The following WT1 variants were observed in gnomAD, a reference collection of about 807,000 sequenced individuals.
WT1 encodes WT1 transcription factor, also known as Wilms tumor protein.
A neutral mutation model predicts 60.8 loss-of-function variants in WT1; 8 were observed. That is an observed-to-expected ratio of 0.13 (90% CI 0.08 to 0.24). The LOEUF is 0.24. Among genes scored for constraint, WT1 ranks in the 10% least tolerant of loss-of-function variants. The pLI, the probability that WT1 is intolerant of heterozygous loss-of-function variation, is 1.00. For synonymous variants in WT1, 312 were observed against 297.1 expected (o/e 1.05, Z -0.52); for missense variants, 568 against 711.8 (o/e 0.80, Z 2.30).
Position 32,427,374 on chromosome 11 carries a change from G to C in WT1, c.887+582C>G, listed in dbSNP as rs5030175. On this transcript the variant is annotated intron_variant, in intron 3 of 9. Transcript: ENST00000452863. The stretch of plus-strand genomic sequence containing the variant: ...CGCTCACAGGAAGAAGGTCCCACGC[G>C]GGCCAGAGCAGCCTCCCCGCAGGGC... 7.2e-3 allele frequency among the ~76,000 whole-genome samples: 1,098 copies of C among 152,320 alleles called. 6 individuals are homozygous for C. The highest frequency in any genetic ancestry group is 0.012 in the Non-Finnish European group (845 of 68,022).
chr11:32,394,481 T>A (rs550255153), intron 7 of WT1, among the ~76,000 whole-genome samples: 4 of 152,316 alleles, frequency 2.6e-5, no homozygotes, highest in South Asian at 4.1e-4. Context: ...TTTTCATTTC[T>A]TTATATCCTA....
chr11:32,420,992 A>C (rs563524096), intron 3 of WT1, among the ~76,000 whole-genome samples: 2 of 152,370 alleles, frequency 1.3e-5, no homozygotes, highest in East Asian at 3.9e-4. Flanking sequence ...AGATAGGATC[A>C]GAGCACAGTT....
At position 32,396,469 on chromosome 11, in the gene WT1, T is replaced by C. The variant is rs1851979245; in HGVS notation, c.1114-62A>G. ...CCACATGTGAACATTCACGTAGGTCTTGAGGGAGAGTGAGCACTGGAGTAT... is the reference window on the plus strand; with the variant it reads ...CCACATGTGAACATTCACGTAGGTCCTGAGGGAGAGTGAGCACTGGAGTAT... On this transcript the variant is annotated intron_variant, in intron 6 of 9. Coordinates refer to ENST00000452863, the MANE Select transcript of WT1 (RefSeq NM_024426.6). 3 of 1,603,256 alleles carry C rather than the reference T, an allele frequency of 1.9e-6. No individual in the cohort carries two copies. In the African/African-American group the frequency reaches 4.0e-5, roughly 21 times the overall value.
intron 9 of WT1, among the ~76,000 whole-genome samples, chr11:32,390,973 GTTTGT>G (rs144448749): frequency 0.37 from 56,083 of 150,460 alleles, 11,791 homozygotes; most frequent in East Asian, 0.72. Context: ...ATTTTTTTTT[GTTTGT>G]TTTGTTTTGT....
At chr11:32,402,096 C>G (rs763615090) in intron 5 of WT1, among the ~76,000 whole-genome samples, 3 of 152,002 alleles carry the variant, frequency 2.0e-5, no homozygotes, top group Non-Finnish European at 2.9e-5. Flanking sequence ...GTCCACACCC[C>G]CTAGGGCCAC....
At chr11:32,431,195 C>T (rs1296277481) in intron 1 of WT1, among the ~76,000 whole-genome samples, 1 of 152,210 alleles carries the variant, frequency 6.6e-6, no homozygotes, top group South Asian at 2.1e-4. Flanking sequence ...ACAGCAGGCT[C>T]AGCCAGGAAG....
intron 1 of WT1, among the ~76,000 whole-genome samples, chr11:32,433,257 A>G (rs1367514573): frequency 6.6e-6 from 1 of 152,230 alleles, no homozygotes; most frequent in East Asian, 1.9e-4. Context: ...TTCACTAACT[A>G]AAAGCATAGA....
At chr11:32,421,978 G>A (rs1172442898) in intron 3 of WT1, among the ~76,000 whole-genome samples, 1 of 152,216 alleles carries the variant, frequency 6.6e-6, no homozygotes, top group African/African-American at 2.4e-5. Context: ...GCTCAAAGTA[G>A]ACATAACTGG....
At chr11:32,419,707 T>C (rs1369780525) in intron 3 of WT1, among the ~76,000 whole-genome samples, 1 of 152,240 alleles carries the variant, frequency 6.6e-6, no homozygotes, top group Non-Finnish European at 1.5e-5. Flanking sequence ...AACATTTTTT[T>C]CCGTTAGACG....
At chr11:32,389,227 C>A (rs1174119149) in intron 9 of WT1, 48 bp from the exon 10 acceptor site, 1 of 1,613,570 alleles carries the variant, frequency 6.2e-7, no homozygotes, top group Non-Finnish European at 8.5e-7. Flanking sequence ...AAGAGACAGG[C>A]ACAAGTTCAA....
intron 5 of WT1, among the ~76,000 whole-genome samples, chr11:32,409,166 A>G (rs1453468903): frequency 6.6e-6 from 1 of 152,224 alleles, no homozygotes; most frequent in African/African-American, 2.4e-5. Flanking sequence ...AGATCAACAT[A>G]AATATTATTT....
chr11:32,423,691 G>A (rs1852928039), intron 3 of WT1, among the ~76,000 whole-genome samples: 1 of 152,164 alleles, frequency 6.6e-6, no homozygotes, highest in Admixed American at 6.5e-5. Context: ...TGTCACACTG[G>A]GGAAATTTAC....
chr11:32,393,678 C>T (rs1851883323), intron 7 of WT1, among the ~76,000 whole-genome samples: 1 of 152,226 alleles, frequency 6.6e-6, no homozygotes, highest in South Asian at 2.1e-4. Context: ...GCACTCTGCT[C>T]ACACTAAATG....
At chr11:32,414,486 G>C (rs1852602305) in intron 5 of WT1, among the ~76,000 whole-genome samples, 1 of 152,102 alleles carries the variant, frequency 6.6e-6, no homozygotes, top group Non-Finnish European at 1.5e-5. Context: ...CATTGTCCAA[G>C]CTGATCTCAA....
At chr11:32,424,160 CAAA>C (rs10690035) in intron 3 of WT1, among the ~76,000 whole-genome samples, 3,744 of 92,136 alleles carry the variant, frequency 0.041, 75 homozygotes, top group Middle Eastern at 0.14. Context: ...GATGCCATCT[CAAA>C]AAAAAAAAAA....
intron 1 of WT1, among the ~76,000 whole-genome samples, chr11:32,429,441 C>T (rs894316170): frequency 2.7e-5 from 4 of 150,100 alleles, no homozygotes; most frequent in Admixed American, 6.6e-5. Flanking sequence ...CCTCAGTTTC[C>T]CCCTAGGGAA....
At position 32,392,040 on chromosome 11, in the gene WT1, G is replaced by T. The variant is rs766697865; in HGVS notation, c.1379C>A (p.Thr460Asn). 6.2e-7 allele frequency: 1 copy of T among 1,614,126 alleles called. No homozygotes were observed. The highest frequency in any genetic ancestry group is 8.5e-7 in the Non-Finnish European group (1 of 1,180,034). ...GGACCGGGAGAACTTTCGCTGACAA[G>T]TTTTACACTGGAATGGTTTCACACC... The change falls in exon 9 of 10, where the codon ACT becomes AAT. Residue 460 changes from threonine to asparagine, a missense_variant. Physicochemically the swap from Thr to Asn is moderately conservative, Grantham distance 65. Coordinates refer to ENST00000452863, the MANE Select transcript of WT1 (RefSeq NM_024426.6).
At chr11:32,421,770 C>A (rs1401139497) in intron 3 of WT1, among the ~76,000 whole-genome samples, 2 of 152,216 alleles carry the variant, frequency 1.3e-5, no homozygotes, top group East Asian at 3.8e-4. Context: ...CTCCACTCTT[C>A]AAACGCATGT....
intron 5 of WT1, among the ~76,000 whole-genome samples, chr11:32,403,188 G>A (rs1291367324): frequency 1.3e-5 from 2 of 151,868 alleles, no homozygotes; most frequent in Non-Finnish European, 2.9e-5. Context: ...CGCCTATGGG[G>A]ACTTGGGTCT....
Sources: gnomAD v4.1 joint callset for allele counts (sites outside exome capture counted in the v4.1 genomes callset) on GRCh38, gnomAD v4.1.1 for gene constraint, MANE v1.5 for transcripts, NCBI Gene and HGNC (gene_info 2026-07-23, HGNC 2026-07-21) for gene names.